Variants in TENM2 observed in about 807,000 individuals in gnomAD.
The protein encoded by TENM2 is teneurin transmembrane protein 2.
TENM2 carries 52 observed loss-of-function variants against 245.2 expected under a neutral mutation model. That is an observed-to-expected ratio of 0.21 (90% confidence interval 0.17 to 0.27). The LOEUF (loss-of-function observed/expected upper bound fraction) is 0.27, where lower values mean the gene tolerates loss of function less well. Among genes scored for constraint, TENM2 ranks in the 10% least tolerant of loss-of-function variants. The probability of loss-of-function intolerance (pLI) is 1.00; values close to 1 mark genes in which losing one functional copy is unlikely to be tolerated. For missense variants in TENM2, 3,046 were observed against 3,666.8 expected (o/e 0.83, Z 4.37); for synonymous variants, 1,363 against 1,438.9 (o/e 0.95, Z 1.19).
intron 1 of TENM2, among the ~76,000 whole-genome samples, chr5:167,328,845 T>C (rs952851616): frequency 3.9e-5 from 6 of 152,220 alleles, no homozygotes; most frequent in Non-Finnish European, 5.9e-5. Flanking sequence ...ATTTTCTTTT[T>C]AGTGTTTATC....
chr5:167,007,847 C>T, the TENM2 span, among the ~76,000 whole-genome samples: 2 of 152,176 alleles, frequency 1.3e-5, no homozygotes, highest in South Asian at 2.1e-4. The surrounding 1 kb of genome is among the most constrained non-coding windows in gnomAD (Gnocchi z 4.2). Context: ...CTCACTCCCA[C>T]GAGCCAGCCT....
intron 2 of TENM2, among the ~76,000 whole-genome samples, chr5:167,781,434 C>G (rs1764179819): frequency 1.3e-5 from 2 of 151,956 alleles, no homozygotes; most frequent in African/African-American, 2.4e-5. Context: ...AGTATTAAAG[C>G]CAAAATAATA....
At chr5:167,572,978 T>C (rs1294581472) in intron 2 of TENM2, among the ~76,000 whole-genome samples, 2 of 152,200 alleles carry the variant, frequency 1.3e-5, no homozygotes, top group African/African-American at 4.8e-5. Flanking sequence ...CCTTTTATTT[T>C]GCCTTTATTA....
chr5:167,984,304 C>T (rs1282759463), intron 4 of TENM2, among the ~76,000 whole-genome samples: 2 of 152,168 alleles, frequency 1.3e-5, no homozygotes, highest in East Asian at 1.9e-4. Context: ...TGACTACAAA[C>T]ATCAGATGTT....
chr5:167,205,668 G>A, the TENM2 span, among the ~76,000 whole-genome samples: 11 of 152,056 alleles, frequency 7.2e-5, no homozygotes, highest in Admixed American at 4.6e-4. Flanking sequence ...AGACAACAAC[G>A]TCTACTGATG....
At chr5:167,149,675 C>T in the TENM2 span, among the ~76,000 whole-genome samples, 3 of 152,140 alleles carry the variant, frequency 2.0e-5, no homozygotes, top group Non-Finnish European at 4.4e-5. Context: ...CCATTTTCTC[C>T]TGTTCTAGCT....
intron 2 of TENM2, among the ~76,000 whole-genome samples, chr5:167,765,131 C>G (rs1362478358): frequency 7.2e-5 from 11 of 152,132 alleles, no homozygotes; most frequent in Admixed American, 7.2e-4. Context: ...GTCTGGGTGT[C>G]ACTATGCTCA....
chr5:167,133,667 C>A, the TENM2 span, among the ~76,000 whole-genome samples: 6 of 146,882 alleles, frequency 4.1e-5, no homozygotes, highest in South Asian at 8.7e-4. Flanking sequence ...AAGCCAAAAT[C>A]CCTTTCCTGC....
chr5:167,844,086 T>TC (rs1201804845), intron 2 of TENM2, among the ~76,000 whole-genome samples: 3 of 152,220 alleles, frequency 2.0e-5, no homozygotes, highest in African/African-American at 7.2e-5. Context: ...TTGCTCAGTG[T>TC]CCAGGTGGCT....
chr5:168,131,370 C>T (rs930026171), intron 12 of TENM2, among the ~76,000 whole-genome samples: 1 of 152,138 alleles, frequency 6.6e-6, no homozygotes, highest in Non-Finnish European at 1.5e-5. Flanking sequence ...GGGCTTGATT[C>T]CTAGGACCTT....
the TENM2 span, among the ~76,000 whole-genome samples, chr5:167,101,138 G>T: frequency 6.6e-6 from 1 of 152,190 alleles, no homozygotes; most frequent in Admixed American, 6.5e-5. Context: ...TACAGTTGAT[G>T]AATTTGATTT....
chr5:167,707,400 G>A (rs1389467518), intron 2 of TENM2, among the ~76,000 whole-genome samples: 1 of 151,984 alleles, frequency 6.6e-6, no homozygotes, highest in East Asian at 1.9e-4. Context: ...TTTCTTTGCT[G>A]CACAGAAGCT....
intron 2 of TENM2, among the ~76,000 whole-genome samples, chr5:167,538,224 AAC>A (rs1482889843): frequency 6.6e-6 from 1 of 152,242 alleles, no homozygotes; most frequent in Non-Finnish European, 1.5e-5. Flanking sequence ...CAAATTTGAA[AAC>A]ACATGTGTAG....
intron 2 of TENM2, among the ~76,000 whole-genome samples, chr5:167,524,002 C>T (rs1770941081): frequency 6.6e-6 from 1 of 152,046 alleles, no homozygotes; most frequent in Non-Finnish European, 1.5e-5. Context: ...CCCCAGGTTA[C>T]CTAATATCTC....
chr5:167,411,509 G>A lies in TENM2; in HGVS notation c.502+36036G>A, dbSNP rs185236562. Among the ~76,000 whole-genome samples the A allele has an allele frequency of 3.5e-3, 534 of 151,772 alleles. 2 individuals carry two copies. The highest frequency in any genetic ancestry group is 6.0e-3 in the Non-Finnish European group (410 of 67,910). On this transcript the variant is annotated intron_variant, in intron 2 of 28. Coordinates refer to ENST00000518659, the Ensembl canonical transcript of TENM2. ...TTGGTCTAAATTATCAGTCTCCAAA[G>A]GCTATGATATTTGTTACCCAAGTTG...
chr5:167,848,101 A>G (rs1770216261), intron 2 of TENM2, among the ~76,000 whole-genome samples: 1 of 152,192 alleles, frequency 6.6e-6, no homozygotes, highest in Non-Finnish European at 1.5e-5. Context: ...ATGCCCAATA[A>G]CAGAGCCCTG....
At chr5:167,030,726 ACCAGCAGGGGGTGGGAGAGTC>A in the TENM2 span, among the ~76,000 whole-genome samples, 1 of 152,158 alleles carries the variant, frequency 6.6e-6, no homozygotes, top group South Asian at 2.1e-4. Flanking sequence ...GCTGGGTCCT[ACCAGCAGGGGGTGGGAGAGTC>A]CCAAGAAGAA....
intron 3 of TENM2, among the ~76,000 whole-genome samples, chr5:167,919,569 G>T (rs1583367054): frequency 6.6e-6 from 1 of 152,154 alleles, no homozygotes; most frequent in East Asian, 1.9e-4. Flanking sequence ...AGGTTTCCTT[G>T]GGTTCCCAGA....
chr5:168,233,218 C>T (rs777396306), intron 25 of TENM2, among the ~76,000 whole-genome samples: 6 of 152,132 alleles, frequency 3.9e-5, no homozygotes, highest in East Asian at 1.9e-4. Flanking sequence ...CCCAGCTACT[C>T]AGGAGGCTGA....
Sources: allele counts gnomAD v4.1 joint callset (sites outside exome capture counted in the v4.1 genomes callset), GRCh38; gene constraint gnomAD v4.1.1; non-coding constraint Gnocchi (gnomAD v3.1); transcripts MANE v1.5; gene names NCBI Gene and HGNC (gene_info 2026-07-23, HGNC 2026-07-21).